Variants in LINGO3 observed in about 807,000 individuals in gnomAD.
The protein encoded by LINGO3 is leucine rich repeat and Ig domain containing 3.
For synonymous variants in LINGO3, 427 were observed against 444.2 expected (o/e 0.96, Z 0.49); for missense variants, 750 against 867.7 (o/e 0.86, Z 1.70).
In LINGO3 at chr19:2,290,632, G is replaced by A. The variant is rs923615275; in HGVS notation, c.1145C>T (p.Pro382Leu). 1 of 1,597,942 alleles carries A rather than the reference G, an allele frequency of 6.3e-7. No homozygotes were observed. Among genetic ancestry groups the A allele is most frequent in the Admixed American group, 1.7e-5 (1 of 58,660 alleles). The change falls in exon 1 of 1, where the codon CCG becomes CTG. Residue 382 changes from proline (P) to leucine (L), a missense_variant. By Grantham distance (98) the Pro-to-Leu change is moderately conservative. Transcript: ENST00000585527. The surrounding 1 kb of genome is among the most constrained non-coding windows in gnomAD (Gnocchi z 6.0). ...CAGCGCGTCGCCGCGCACCTCGGCC[G>A]GGGTGGCGCAGGCCGGCAGCCGCCC...
the LINGO3 span, among the ~76,000 whole-genome samples, chr19:2,306,544 G>A: frequency 6.6e-6 from 1 of 152,206 alleles, no homozygotes; most frequent in African/African-American, 2.4e-5. Context: ...GTGGACGGCT[G>A]AGGCTGAGGG....
At chr19:2,299,568 C>T in the LINGO3 span, among the ~76,000 whole-genome samples, 1 of 151,076 alleles carries the variant, frequency 6.6e-6, no homozygotes, top group Non-Finnish European at 1.5e-5. Context: ...GGACTGCAGG[C>T]GCCCACCACT....
downstream of LINGO3, among the ~76,000 whole-genome samples, chr19:2,289,332 G>A (rs1316997497): frequency 6.6e-6 from 1 of 150,700 alleles, no homozygotes; most frequent in African/African-American, 2.5e-5. Flanking sequence ...TCCCGGGTGT[G>A]AGCTTTGCTC....
chr19:2,290,721 G>A lies in LINGO3; in HGVS notation c.1056C>T (p.Asn352=), dbSNP rs1343863681. ...GCAGGCGACAGTCGCAGGCCAGCGG[G>A]TTCCCGTCCACGCGCAGCGTCTCTA... Residue 352 remains asparagine (N), a synonymous_variant, in exon 1 of 1, where the codon AAC becomes AAT. Coordinates refer to ENST00000585527, the Ensembl canonical transcript of LINGO3. The surrounding 1 kb of genome is among the most constrained non-coding windows in gnomAD (Gnocchi z 6.0). 20 of 1,612,506 alleles carry A rather than the reference G, an allele frequency of 1.2e-5. No homozygotes were observed. The highest frequency in any genetic ancestry group is 1.7e-5 in the Non-Finnish European group (20 of 1,179,618).
the LINGO3 span, among the ~76,000 whole-genome samples, chr19:2,304,100 C>T: frequency 1.4e-3 from 216 of 152,366 alleles, no homozygotes; most frequent in Middle Eastern, 6.8e-3. Flanking sequence ...TGGTTTGCTC[C>T]TGGCCATGTG....
upstream of LINGO3, among the ~76,000 whole-genome samples, chr19:2,292,858 C>G (rs1006240978): frequency 6.6e-6 from 1 of 151,980 alleles, no homozygotes; most frequent in Non-Finnish European, 1.5e-5. Flanking sequence ...CATTCACAGC[C>G]GCATCTGTAA....
Position 2,290,036 on chromosome 19 carries a change from GGCCC to G in LINGO3, c.1737_1740del (p.Gly580ArgfsTer9). ...ATGTTGAACTTGCGCGCGCCTCCCTGGCCCGCCGCGGCGGCCGGCCCATCCACCT... is the reference window on the plus strand; with the variant it reads ...ATGTTGAACTTGCGCGCGCCTCCCTGGCCGCGGCGGCCGGCCCATCCACCT... On this transcript the variant is annotated frameshift_variant, in exon 1 of 1. Coordinates refer to ENST00000585527, the Ensembl canonical transcript of LINGO3. LOFTEE classifies it high-confidence loss of function. This position sits in a 1 kb window ranked among gnomAD's most constrained non-coding sequence, Gnocchi z 6.0. The G allele has an allele frequency of 6.5e-7, 1 of 1,549,270 alleles. No homozygotes were observed. The highest frequency in any genetic ancestry group is 8.7e-7 in the Non-Finnish European group (1 of 1,146,628).
exon 1 of LINGO3, chr19:2,291,476 G>C (rs758941206): frequency 1.9e-6 from 3 of 1,612,638 alleles, no homozygotes; most frequent in South Asian, 1.1e-5. Flanking sequence ...AGGCGCGGCA[G>C]GTTGGCGAAG....
chr19:2,297,071 G>A, the LINGO3 span, among the ~76,000 whole-genome samples: 14 of 151,134 alleles, frequency 9.3e-5, no homozygotes, highest in South Asian at 2.1e-3. Context: ...CAACCTGGGC[G>A]ACAGAGCGAG....
Position 2,291,824 on chromosome 19 carries a change from TGCGG to T in LINGO3, c.-52_-49del, listed in dbSNP as rs1457289738. 7 of 1,435,608 alleles carry T rather than the reference TGCGG, an allele frequency of 4.9e-6. No homozygotes were observed. The highest frequency in any genetic ancestry group is 1.2e-5 in the South Asian group (1 of 81,332). 88.9% of individuals were successfully genotyped at this position (1,435,608 alleles called of 1,614,324 possible). A position where few individuals can be genotyped will look rare whatever the true frequency, so the allele number is the denominator to read the frequency against. ...CCGCGCCACCATCCTCCTGCGCACC[TGCGG>T]GCGGGCGGGGAGCGGGCAGCGTTAG... On this transcript the variant is annotated 5_prime_UTR_variant, in exon 1 of 1. Transcript: ENST00000585527.
chr19:2,301,327 A>AT, the LINGO3 span, among the ~76,000 whole-genome samples: 1 of 147,426 alleles, frequency 6.8e-6, no homozygotes, highest in East Asian at 2.1e-4. Flanking sequence ...TCTTATGTGG[A>AT]TGACTCTCTG....
Position 2,290,049 on chromosome 19 carries a change from G to T in LINGO3, c.1728C>A (p.Ala576=). The change falls in exon 1 of 1, where the codon GCC becomes GCA. Residue 576 remains alanine (A), a synonymous_variant. Transcript: ENST00000585527. This position sits in a 1 kb window ranked among gnomAD's most constrained non-coding sequence, Gnocchi z 6.0. Reference sequence around the variant, plus strand: ...GCGCGCCTCCCTGGCCCGCCGCGGCGGCCGGCCCATCCACCTTGCGGAAGG... The same window carrying T: ...GCGCGCCTCCCTGGCCCGCCGCGGCTGCCGGCCCATCCACCTTGCGGAAGG... 1.3e-6 allele frequency: 2 copies of T among 1,553,198 alleles called. No individual in the cohort carries two copies. Among genetic ancestry groups the T allele is most frequent in the South Asian group, 1.2e-5 (1 of 84,314 alleles).
upstream of LINGO3, among the ~76,000 whole-genome samples, chr19:2,292,782 G>T (rs983680217): frequency 6.6e-6 from 1 of 152,034 alleles, no homozygotes; most frequent in Non-Finnish European, 1.5e-5. Flanking sequence ...GAGCCACCGC[G>T]CCCACCCGCT....
In LINGO3 at chr19:2,290,241, G is replaced by A; in HGVS notation, c.1536C>T (p.Asn512=). The A allele has an allele frequency of 6.2e-7, 1 of 1,604,556 alleles. No individual in the cohort carries two copies. Among genetic ancestry groups the A allele is most frequent in the Non-Finnish European group, 8.5e-7 (1 of 1,177,856 alleles). ...GCGCGCGCAGGGCCGCCAGCGTCTC[G>A]TTGTGGGCCTCGCCCGGGGTCCGGT... Residue 512 remains asparagine (N), a synonymous_variant, in exon 1 of 1, where the codon AAC becomes AAT. Transcript: ENST00000585527. The surrounding 1 kb of genome is among the most constrained non-coding windows in gnomAD (Gnocchi z 6.0).
exon 1 of LINGO3, chr19:2,291,426 G>T (rs374349778): frequency 3.1e-6 from 5 of 1,613,254 alleles, no homozygotes; most frequent in African/African-American, 1.3e-5. Flanking sequence ...CCCCGGGCGG[G>T]ATGAGCTTCA....
At chr19:2,302,140 C>T in the LINGO3 span, among the ~76,000 whole-genome samples, 1,341 of 141,582 alleles carry the variant, frequency 9.5e-3, 14 homozygotes, top group Non-Finnish European at 0.017. Context: ...AGGCTCACTG[C>T]AACCTCTGCC....
At chr19:2,306,519 C>T in the LINGO3 span, among the ~76,000 whole-genome samples, 46 of 152,178 alleles carry the variant, frequency 3.0e-4, no homozygotes, top group African/African-American at 9.4e-4. Context: ...CTTCAGGTCC[C>T]GGCTTACCCT....
At chr19:2,305,819 GGGA>G in the LINGO3 span, among the ~76,000 whole-genome samples, 1 of 152,210 alleles carries the variant, frequency 6.6e-6, no homozygotes, top group Non-Finnish European at 1.5e-5. Context: ...AGACGGATAT[GGGA>G]GGAGGGGGCC....
exon 1 of LINGO3, chr19:2,291,266 C>T: frequency 6.2e-7 from 1 of 1,612,324 alleles, no homozygotes; most frequent in Non-Finnish European, 8.5e-7. Context: ...AGCAGCCCCG[C>T]GAAGGCGCGG....
Sources: gnomAD v4.1 joint callset for allele counts (sites outside exome capture counted in the v4.1 genomes callset) on GRCh38, gnomAD v4.1.1 for gene constraint, Gnocchi (gnomAD v3.1) non-coding constraint, MANE v1.5 for transcripts, NCBI Gene and HGNC (gene_info 2026-07-23, HGNC 2026-07-21) for gene names.